USP15: variants seen among roughly 807,000 people sequenced by gnomAD.
USP15 encodes ubiquitin carboxyl-terminal hydrolase 15.
In USP15, 18 loss-of-function variants were observed where a neutral mutation model predicts 127.1. That is an observed-to-expected ratio of 0.14 (90% CI 0.10 to 0.21). The LOEUF is 0.21. Ranked by LOEUF, USP15 falls within the 10% of genes least tolerant of loss-of-function variation. The probability of loss-of-function intolerance (pLI) is 1.00; values close to 1 mark genes in which losing one functional copy is unlikely to be tolerated. For synonymous variants in USP15, 364 were observed against 393.7 expected, an observed-to-expected ratio of 0.92 and a Z score of 0.89; for missense variants, 805 against 1,159.9, an observed-to-expected ratio of 0.69 and a Z score of 4.44.
At chr12:62,318,809 C>T (rs1373374238) in intron 4 of USP15, among the ~76,000 whole-genome samples, 2 of 152,312 alleles carry the variant, frequency 1.3e-5, no homozygotes, top group South Asian at 2.1e-4. Flanking sequence ...CACTTCTGCT[C>T]TTCCAATTGC....
rs1592582404 is a variant in USP15 at position 62,321,606 on chromosome 12, A to G, written c.618A>G (p.Gly206=). The part of the protein sequence containing the change: ...STIQDAGLYQ[G]QVLVIEQKNE... ...TTCAGGATGCTGGTTTATACCAAGG[A>G]CAGGTATTGTTTATTTTAAGCATAC... The change falls in exon 5 of 22, where the codon GGA becomes GGG. Residue 206 remains glycine (G), a synonymous_variant. Coordinates refer to ENST00000280377, the MANE Select transcript of USP15 (RefSeq NM_001252078.2). The G allele has an allele frequency of 1.9e-6, 3 of 1,561,402 alleles. No individual in the cohort carries two copies. The highest frequency in any genetic ancestry group is 2.6e-6 in the Non-Finnish European group (3 of 1,158,796).
intron 3 of USP15, among the ~76,000 whole-genome samples, chr12:62,307,810 A>G (rs2064530177): frequency 6.6e-6 from 1 of 152,138 alleles, no homozygotes; most frequent in African/African-American, 2.4e-5. Flanking sequence ...GGGCATTAGT[A>G]GCATAATGCA....
chr12:62,330,462 G>A (rs2065256526), intron 6 of USP15, among the ~76,000 whole-genome samples: 1 of 151,680 alleles, frequency 6.6e-6, no homozygotes, highest in African/African-American at 2.4e-5. Context: ...ACAGGCGCCT[G>A]TAACCCCAGC....
At position 62,352,102 on chromosome 12, in the gene USP15, A is replaced by G. The variant is rs949495666; in HGVS notation, c.770+2795A>G. 5.3e-5 allele frequency among the ~76,000 whole-genome samples: 8 copies of G among 151,996 alleles called. No individual in the cohort carries two copies. The East Asian group carries it at 1.5e-3, about 29-fold the overall frequency. ...TGGAAATAGTCTACAAGTATAAGTA[A>G]TATATTAAAATCAATAGTTTATGAA... On this transcript the variant is annotated intron_variant, in intron 7 of 21. Coordinates refer to ENST00000280377, the MANE Select transcript of USP15 (RefSeq NM_001252078.2).
intron 5 of USP15, 70 bp downstream of exon 5, chr12:62,321,679 C>T: frequency 1.5e-6 from 2 of 1,307,862 alleles, no homozygotes; most frequent in Non-Finnish European, 2.0e-6. Flanking sequence ...AATAATTATC[C>T]TGGCAATATA....
chr12:62,290,575 TCTTTTAAGTAGAG>T (rs1234957625), intron 1 of USP15, among the ~76,000 whole-genome samples: 2 of 152,206 alleles, frequency 1.3e-5, no homozygotes, highest in Non-Finnish European at 2.9e-5. Flanking sequence ...CCAATCTTTA[TCTTTTAAGTAGAG>T]CATTTAACTC....
intron 8 of USP15, among the ~76,000 whole-genome samples, chr12:62,368,464 A>G (rs1013253651): frequency 6.6e-6 from 1 of 152,086 alleles, no homozygotes; most frequent in Non-Finnish European, 1.5e-5. Context: ...GTAGGTCTCT[A>G]AGAACTTGCT....
chr12:62,363,409 A>G (rs919703653), intron 8 of USP15, among the ~76,000 whole-genome samples: 1 of 151,954 alleles, frequency 6.6e-6, no homozygotes, highest in Non-Finnish European at 1.5e-5. Context: ...TCACCCTCAC[A>G]TGTGCCAAGA....
chr12:62,304,636 C>G (rs950736843), intron 3 of USP15: 2 of 436,382 alleles, frequency 4.6e-6, no homozygotes, highest in Non-Finnish European at 9.2e-6. Flanking sequence ...AAACATCTTC[C>G]TGTACCTCAA....
intron 1 of USP15, chr12:62,274,001 A>T (rs1176970047): frequency 6.6e-6 from 1 of 151,910 alleles, no homozygotes; most frequent in Non-Finnish European, 1.5e-5. Flanking sequence ...ATAAAGAGGG[A>T]GTGTGGTATA....
chr12:62,285,537 C>T (rs2063762624), intron 1 of USP15, among the ~76,000 whole-genome samples: 1 of 151,778 alleles, frequency 6.6e-6, no homozygotes, highest in Non-Finnish European at 1.5e-5. Flanking sequence ...CATTTATGGA[C>T]ACTTAAAGTG....
chr12:62,338,628 AAT>A (rs776403233), intron 6 of USP15, among the ~76,000 whole-genome samples: 19 of 152,046 alleles, frequency 1.2e-4, no homozygotes, highest in Non-Finnish European at 1.9e-4. Context: ...TTAAGTCTTT[AAT>A]CTATCTTAAT....
chr12:62,340,532 T>C (rs1369740249), intron 6 of USP15, among the ~76,000 whole-genome samples: 1 of 152,232 alleles, frequency 6.6e-6, no homozygotes, highest in African/African-American at 2.4e-5. Flanking sequence ...TTTAGTGCTA[T>C]AAATTTCCCT....
chr12:62,403,420 A>G (rs2067757425), intron 21 of USP15, among the ~76,000 whole-genome samples: 1 of 152,110 alleles, frequency 6.6e-6, no homozygotes. Context: ...GAAAAGAAAT[A>G]GTGAAGCATT....
chr12:62,296,557 A>C (rs1186591153), intron 2 of USP15, among the ~76,000 whole-genome samples: 2 of 152,206 alleles, frequency 1.3e-5, no homozygotes, highest in Admixed American at 6.5e-5. Flanking sequence ...TAATGGCATA[A>C]CTTGAAAATA....
chr12:62,363,568 G>C (rs923006840), intron 8 of USP15, among the ~76,000 whole-genome samples: 2 of 152,008 alleles, frequency 1.3e-5, no homozygotes, highest in Non-Finnish European at 2.9e-5. Context: ...AAAAAATAAT[G>C]ACTGCCCCAC....
chr12:62,339,497 C>T (rs1343757583), intron 6 of USP15, among the ~76,000 whole-genome samples: 1 of 152,018 alleles, frequency 6.6e-6, no homozygotes, highest in Non-Finnish European at 1.5e-5. Flanking sequence ...CCAGCTTTTG[C>T]CCATTCAATA....
chr12:62,314,326 T>G (rs1256940010), intron 3 of USP15, among the ~76,000 whole-genome samples: 1 of 151,928 alleles, frequency 6.6e-6, no homozygotes, highest in Admixed American at 6.6e-5. Context: ...AAACAACTTT[T>G]TAAAGGTTTT....
intron 2 of USP15, among the ~76,000 whole-genome samples, chr12:62,300,159 A>G (rs188513323): frequency 9.0e-4 from 136 of 150,692 alleles, no homozygotes; most frequent in African/African-American, 2.6e-3. Context: ...TTTAAGTCCA[A>G]TTTGCCTTTT....
Sources: allele counts gnomAD v4.1 joint callset (sites outside exome capture counted in the v4.1 genomes callset), GRCh38; gene constraint gnomAD v4.1.1; transcripts MANE v1.5; gene names NCBI Gene and HGNC (gene_info 2026-07-23, HGNC 2026-07-21).